Variants in SART3 observed in about 807,000 individuals in gnomAD.
SART3 encodes HIV-1 Tat-interacting protein of 110kDa.
In SART3, 44 loss-of-function variants were observed where a neutral mutation model predicts 122.3. The ratio of observed to expected loss-of-function variants is 0.36; its 90% confidence interval spans 0.28 to 0.46. The LOEUF (loss-of-function observed/expected upper bound fraction) is 0.46, where lower values mean the gene tolerates loss of function less well. SART3 is among the 20% of genes least tolerant of loss of function. SART3 has a pLI of 1.00. For missense variants in SART3, 1,101 were observed against 1,229.0 expected (o/e 0.90, Z 1.56); for synonymous variants, 442 against 454.0 (o/e 0.97, Z 0.34).
intron 15 of SART3, among the ~76,000 whole-genome samples, chr12:108,528,109 T>C (rs538013896): frequency 6.6e-6 from 1 of 152,248 alleles, no homozygotes; most frequent in African/African-American, 2.4e-5. Flanking sequence ...GAAATAAATA[T>C]GACCCAGAGC....
At chr12:108,555,964 G>A (rs957088010) in intron 1 of SART3, among the ~76,000 whole-genome samples, 1 of 152,210 alleles carries the variant, frequency 6.6e-6, no homozygotes, top group East Asian at 1.9e-4. Flanking sequence ...TAGACAAACT[G>A]AAGAGAGAGC....
chr12:108,548,199 C>T (rs1873521425), intron 2 of SART3, among the ~76,000 whole-genome samples: 1 of 152,224 alleles, frequency 6.6e-6, no homozygotes, highest in Non-Finnish European at 1.5e-5. Context: ...TAATATCCTC[C>T]ACCTGTTAGG....
In SART3 at chr12:108,561,099, C is replaced by T. The variant is rs755399615; in HGVS notation, c.56G>A (p.Gly19Glu). 70 of 1,614,022 alleles carry T rather than the reference C, an allele frequency of 4.3e-5. 1 individual carries two copies. In the Admixed American group the frequency reaches 1.1e-3, roughly 26 times the overall value. The change falls in exon 1 of 19, where the codon GGG (glycine) becomes GAG (glutamate). Residue 19 changes from glycine to glutamate, a missense_variant. Gly to Glu is a moderately conservative substitution (Grantham distance 98). Coordinates refer to ENST00000546815, the MANE Select transcript of SART3 (RefSeq NM_014706.4). ...ASEPEAESKA[G>E]PKADGEEDEV... ...ATCCTCCTCTCCGTCAGCCTTGGGC[C>T]CAGCCTTGGACTCAGCCTCGGGTTC...
chr12:108,537,359 GA>G, intron 9 of SART3, 128 bp downstream of exon 9: 8 of 720,722 alleles, frequency 1.1e-5, no homozygotes, highest in East Asian at 2.7e-5. Flanking sequence ...ATTTCTGGGG[GA>G]AAAAGTCACC....
intron 1 of SART3, chr12:108,560,609 GGATA>G: frequency 2.1e-6 from 1 of 484,270 alleles, no homozygotes; most frequent in Non-Finnish European, 3.6e-6. Flanking sequence ...AGTAAAATGG[GGATA>G]GATAACAGGG....
intron 9 of SART3, 83 bp downstream of exon 9, chr12:108,537,405 G>C: frequency 9.9e-7 from 1 of 1,010,416 alleles, no homozygotes; most frequent in Non-Finnish European, 1.6e-6. Context: ...CAATCACAAT[G>C]TATCTGGGGA....
intron 6 of SART3, chr12:108,542,627 A>G: frequency 3.0e-6 from 1 of 331,662 alleles, no homozygotes; most frequent in South Asian, 2.5e-5. Flanking sequence ...AATGAAAATA[A>G]AATATACAGC....
chr12:108,547,447 G>A (rs147988816), intron 3 of SART3, among the ~76,000 whole-genome samples: 1 of 152,278 alleles, frequency 6.6e-6, no homozygotes, highest in East Asian at 1.9e-4. Context: ...AGATATTGGA[G>A]GAAACTGGGT....
chr12:108,524,795 G>A, intron 17 of SART3: 1 of 500,546 alleles, frequency 2.0e-6, no homozygotes, highest in South Asian at 2.1e-5. Context: ...GAAAAAGACA[G>A]ATGGACCAGT....
At chr12:108,535,516 G>T in intron 11 of SART3, 48 bp from the exon 12 acceptor site, 1 of 1,423,558 alleles carries the variant, frequency 7.0e-7, no homozygotes, top group Non-Finnish European at 9.9e-7. Context: ...TTATGACGTC[G>T]ACACCCATCA....
Position 108,530,191 on chromosome 12 carries a change from C to G in SART3, c.1866G>C (p.Lys622Asn), listed in dbSNP as rs772325582. ...KKKKKIRGPE[K>N]RGADEDDEKE... ...TCTCATCATCCTCATCTGCTCCGCG[C>G]TTCTCTGGGCCTCTGATCTTTTTCT... Residue 622 changes from lysine to asparagine, a missense_variant, in exon 15 of 19, where the codon AAG (lysine) becomes AAC (asparagine). By Grantham distance (94) the Lys-to-Asn change is moderately conservative (BLOSUM62 0). Around this residue, in one of 2 missense-constraint regions of SART3, gnomAD observed 885 missense variants for 1,080.1 expected, o/e 0.82. Transcript: ENST00000546815. The G allele has an allele frequency of 1.9e-6, 3 of 1,614,148 alleles. No individual in the cohort carries two copies.
In SART3 at chr12:108,553,984, C is replaced by T. The variant is rs192964114; in HGVS notation, c.313-4770G>A. On this transcript the variant is annotated intron_variant, in intron 1 of 18. Transcript: ENST00000546815. ...ACCGGCCTCTCAACATGGCAGCCAGCTTCGTGTAACTCAAACATTCCAACG... is the reference window on the plus strand; with the variant it reads ...ACCGGCCTCTCAACATGGCAGCCAGTTTCGTGTAACTCAAACATTCCAACG... 6.6e-5 allele frequency: 10 copies of T among 152,400 alleles called. No individual in the cohort carries two copies. The East Asian group carries it at 1.7e-3, about 26-fold the overall frequency. 9.4% of individuals were successfully genotyped at this position (152,400 alleles called of 1,614,324 possible). A position where few individuals can be genotyped will look rare whatever the true frequency, so the allele number is the denominator to read the frequency against.
At chr12:108,551,283 C>A (rs543794042) in intron 1 of SART3, among the ~76,000 whole-genome samples, 69 of 152,206 alleles carry the variant, frequency 4.5e-4, no homozygotes, top group African/African-American at 1.6e-3. Context: ...GATCAATCTA[C>A]CAGGAAGACA....
At position 108,560,926 on chromosome 12, in the gene SART3, C is replaced by G; in HGVS notation, c.229G>C (p.Glu77Gln). ...GDEYAMASSA[E>Q]SSPGEYEWEY... The stretch of plus-strand genomic sequence containing the variant: ...CACTCGTACTCCCCGGGGGAGCTCT[C>G]CGCGGAGGAAGCCATGGCGTACTCA... The change falls in exon 1 of 19, where the codon GAG (glutamate) becomes CAG (glutamine). Residue 77 changes from glutamate to glutamine, a missense_variant. By Grantham distance (29) the Glu-to-Gln change is conservative (BLOSUM62 2). This residue lies in a region of SART3 where 216 missense variants were observed against 148.9 expected (regional missense o/e 1.45). Transcript: ENST00000546815. The G allele has an allele frequency of 6.2e-7, 1 of 1,613,988 alleles. No homozygotes were observed. Among genetic ancestry groups the G allele is most frequent in the South Asian group, 1.1e-5 (1 of 91,046 alleles).
intron 15 of SART3, among the ~76,000 whole-genome samples, chr12:108,528,648 A>C (rs1872511692): frequency 1.3e-5 from 2 of 152,150 alleles, no homozygotes; most frequent in Non-Finnish European, 2.9e-5. Flanking sequence ...TGAGTGAAAG[A>C]AGCAAGGGTG....
intron 4 of SART3, 28 bp downstream of exon 4, chr12:108,545,111 C>T: frequency 2.5e-6 from 4 of 1,610,226 alleles, no homozygotes; most frequent in Non-Finnish European, 3.4e-6. Flanking sequence ...CAGCCCCAAC[C>T]CGTTCAGAGA....
intron 1 of SART3, among the ~76,000 whole-genome samples, chr12:108,553,418 A>G (rs1433812074): frequency 2.0e-5 from 3 of 152,226 alleles, no homozygotes; most frequent in Non-Finnish European, 4.4e-5. Context: ...GTGCATGGAA[A>G]TCTACAATTA....
chr12:108,538,871 T>C lies in SART3; in HGVS notation c.1062+63A>G. On this transcript the variant is annotated intron_variant, in intron 7 of 18. Transcript: ENST00000546815. Reference sequence around the variant, plus strand: ...CGTATGCAACAAACTCCTGGCACTCTTACTGATTTTAAGTAGATTCTAAAT... The same window carrying C: ...CGTATGCAACAAACTCCTGGCACTCCTACTGATTTTAAGTAGATTCTAAAT... 3.1e-6 allele frequency: 5 copies of C among 1,604,268 alleles called. No homozygotes were observed. The South Asian group carries it at 5.5e-5, about 18-fold the overall frequency.
At chr12:108,541,102 T>C (rs1356018613) in intron 6 of SART3, among the ~76,000 whole-genome samples, 1 of 152,124 alleles carries the variant, frequency 6.6e-6, no homozygotes, top group African/African-American at 2.4e-5. Context: ...CAAAAGACAC[T>C]GTTAAAAAAT....
Sources: allele counts gnomAD v4.1 joint callset (sites outside exome capture counted in the v4.1 genomes callset), GRCh38; gene constraint gnomAD v4.1.1; regional missense constraint gnomAD v4.1.1; transcripts MANE v1.5; gene names NCBI Gene and HGNC (gene_info 2026-07-23, HGNC 2026-07-21).